The following CNTNAP2 variants were observed in gnomAD, a reference collection of about 807,000 sequenced individuals.
The protein encoded by CNTNAP2 is contactin-associated protein-like 2.
Under a neutral mutation model 155.2 loss-of-function variants are expected in CNTNAP2, and 98 were observed. The ratio of observed to expected loss-of-function variants is 0.63; its 90% CI spans 0.54 to 0.75. The LOEUF is 0.75. Among genes scored for constraint, CNTNAP2 ranks in the 30% least tolerant of loss-of-function variants. The probability of loss-of-function intolerance (pLI) is 0.00; values close to 1 mark genes in which losing one functional copy is unlikely to be tolerated. For synonymous variants in CNTNAP2, 651 were observed against 631.2 expected (o/e 1.03, Z -0.47); for missense variants, 1,727 against 1,688.1 (o/e 1.02, Z -0.40).
intron 13 of CNTNAP2, among the ~76,000 whole-genome samples, chr7:147,784,890 C>T (rs775623691): frequency 2.0e-5 from 3 of 151,606 alleles, no homozygotes; most frequent in Non-Finnish European, 2.9e-5. Flanking sequence ...AAAATGAACA[C>T]GATATTGTGA....
chr7:147,262,254 A>G (rs967184876), intron 8 of CNTNAP2, among the ~76,000 whole-genome samples: 2 of 152,242 alleles, frequency 1.3e-5, no homozygotes, highest in African/African-American at 4.8e-5. Flanking sequence ...GAATGCGGAA[A>G]GACAGAATGC....
chr7:147,733,197 A>G (rs891589680), intron 13 of CNTNAP2, among the ~76,000 whole-genome samples: 3 of 152,144 alleles, frequency 2.0e-5, no homozygotes, highest in Non-Finnish European at 2.9e-5. Context: ...TCCATCTTGA[A>G]TTCATTTTTG....
chr7:146,643,683 T>C (rs2129161902), intron 1 of CNTNAP2, among the ~76,000 whole-genome samples: 1 of 152,308 alleles, frequency 6.6e-6, no homozygotes, highest in South Asian at 2.1e-4. Context: ...AATAGTTTTT[T>C]CCAATTCTGT....
chr7:147,343,399 T>A (rs1795796545), intron 9 of CNTNAP2, among the ~76,000 whole-genome samples: 1 of 152,140 alleles, frequency 6.6e-6, no homozygotes, highest in African/African-American at 2.4e-5. Context: ...AAGCTGTGTC[T>A]TCCCCAAGCA....
At chr7:147,500,902 CT>C (rs1798798453) in intron 11 of CNTNAP2, among the ~76,000 whole-genome samples, 1 of 152,090 alleles carries the variant, frequency 6.6e-6, no homozygotes, top group Non-Finnish European at 1.5e-5. Context: ...CAGCATTACC[CT>C]GATACTGAAT....
chr7:146,874,899 T>G lies in CNTNAP2; in HGVS notation c.402+34995T>G, dbSNP rs139374552. On this transcript the variant is annotated intron_variant, in intron 3 of 23. Transcript: ENST00000361727. ...TTATTTTATATTCAAACCATTTTAT[T>G]TTTAAAAGCCTATTGTGCAATCATT... Among the ~76,000 whole-genome samples, 73 of 152,314 alleles carry G rather than the reference T, an allele frequency of 4.8e-4. No homozygotes were observed. The East Asian group carries it at 5.6e-3, about 12-fold the overall frequency.
intron 10 of CNTNAP2, among the ~76,000 whole-genome samples, chr7:147,412,801 G>A (rs1388424058): frequency 6.6e-6 from 1 of 152,158 alleles, no homozygotes; most frequent in Non-Finnish European, 1.5e-5. Context: ...ATAGGGCAAG[G>A]CTGTCTTGGA....
chr7:147,044,016 G>C lies in CNTNAP2; in HGVS notation c.512G>C (p.Arg171Pro). The C allele has an allele frequency of 3.7e-6, 6 of 1,614,134 alleles. No individual in the cohort carries two copies. The highest frequency in any genetic ancestry group is 5.1e-6 in the Non-Finnish European group (6 of 1,179,992). Residue 171 changes from arginine (R) to proline (P), a missense_variant, in exon 4 of 24, where the codon CGC becomes CCC. Physicochemically the swap from Arg to Pro is moderately radical, Grantham distance 103. Coordinates refer to ENST00000361727, the MANE Select transcript of CNTNAP2 (RefSeq NM_014141.6). The stretch of plus-strand genomic sequence containing the variant: ...CCTCTGGATTGGAATGGAGAAGGTC[G>C]CATTGGACTCAGAATTGAAGTTTAT... ...IVPLDWNGEGRIGLRIEVYGC... is the reference protein window; with the variant it reads ...IVPLDWNGEGPIGLRIEVYGC...
rs369530214 is a variant in CNTNAP2, at chr7:147,181,961, C to T, written c.1348+49452C>T. Among the ~76,000 whole-genome samples the T allele has an allele frequency of 3.3e-5, 5 of 151,710 alleles. No homozygotes were observed. In the East Asian group the frequency reaches 5.8e-4, roughly 18 times the overall value. ...CCAACATGGTGAAACCCCGTCCATA[C>T]TAAAAATACAAAAATTAGCTGGGCA... On this transcript the variant is annotated intron_variant, in intron 8 of 23. Transcript: ENST00000361727.
intron 1 of CNTNAP2, among the ~76,000 whole-genome samples, chr7:146,375,996 G>A (rs1185590849): frequency 6.6e-6 from 1 of 152,130 alleles, no homozygotes; most frequent in Non-Finnish European, 1.5e-5. Flanking sequence ...AGGTTGACTG[G>A]TTTTACTTTA....
chr7:146,209,961 G>C (rs985002306), intron 1 of CNTNAP2, among the ~76,000 whole-genome samples: 2 of 152,218 alleles, frequency 1.3e-5, no homozygotes, highest in East Asian at 1.9e-4. Flanking sequence ...AAAACTTACT[G>C]TACAGGGCCT....
intron 9 of CNTNAP2, among the ~76,000 whole-genome samples, chr7:147,382,855 G>T (rs1170521811): frequency 6.6e-6 from 1 of 152,138 alleles, no homozygotes; most frequent in Non-Finnish European, 1.5e-5. Flanking sequence ...TACATTGTCA[G>T]CCAAAGAAAG....
intron 15 of CNTNAP2, among the ~76,000 whole-genome samples, chr7:148,047,124 C>T (rs1324060952): frequency 6.6e-6 from 1 of 152,124 alleles, no homozygotes; most frequent in East Asian, 1.9e-4. Context: ...TTCTTCAGTT[C>T]GTGCTACATG....
At chr7:147,421,410 C>T (rs1797288270) in intron 10 of CNTNAP2, among the ~76,000 whole-genome samples, 1 of 151,952 alleles carries the variant, frequency 6.6e-6, no homozygotes, top group South Asian at 2.1e-4. Flanking sequence ...GGAGGATTAA[C>T]AGCACTTTTA....
chr7:147,601,953 T>C (rs1292549612), intron 12 of CNTNAP2, among the ~76,000 whole-genome samples: 1 of 152,108 alleles, frequency 6.6e-6, no homozygotes, highest in Admixed American at 6.5e-5. Context: ...TTTCCTACAG[T>C]CTTGTTAACT....
intron 1 of CNTNAP2, among the ~76,000 whole-genome samples, chr7:146,443,324 C>T (rs770178192): frequency 8.6e-5 from 13 of 152,020 alleles, no homozygotes; most frequent in Non-Finnish European, 1.9e-4. Context: ...TACTTTACGA[C>T]CATCTTTTCC....
chr7:148,179,199 GC>G (rs1327556445), intron 18 of CNTNAP2, among the ~76,000 whole-genome samples: 1 of 152,058 alleles, frequency 6.6e-6, no homozygotes, highest in Non-Finnish European at 1.5e-5. Flanking sequence ...CTGACTCAAG[GC>G]CCATCAGGAG....
chr7:148,295,514 C>T (rs6969243), intron 21 of CNTNAP2, among the ~76,000 whole-genome samples: 92,091 of 147,954 alleles, frequency 0.62, 29,809 homozygotes, highest in South Asian at 0.83. Flanking sequence ...TTTTTTGAGA[C>T]GGAGTCTCGC....
intron 1 of CNTNAP2, among the ~76,000 whole-genome samples, chr7:146,340,659 C>T (rs1288525548): frequency 1.3e-5 from 2 of 151,960 alleles, no homozygotes; most frequent in Admixed American, 6.6e-5. Flanking sequence ...CAAATGTTAG[C>T]GATAAAATTG....
Sources: gnomAD v4.1 joint callset for allele counts (sites outside exome capture counted in the v4.1 genomes callset) on GRCh38, gnomAD v4.1.1 for gene constraint, MANE v1.5 for transcripts, NCBI Gene and HGNC (gene_info 2026-07-23, HGNC 2026-07-21) for gene names.